DOCK9: variants seen among roughly 807,000 people sequenced by gnomAD.
DOCK9 encodes the protein dedicator of cytokinesis 9, also known as dedicator of cytokinesis protein 9.
DOCK9 carries 89 observed loss-of-function variants against 263.3 expected under a neutral mutation model. The observed-to-expected ratio is 0.34, with a 90% confidence interval of 0.28 to 0.40. DOCK9 has a LOEUF of 0.40. Ranked by LOEUF, DOCK9 falls within the 10% of genes least tolerant of loss-of-function variation. The pLI is 1.00. For synonymous variants in DOCK9, 976 were observed against 973.1 expected (o/e 1.00, Z -0.06); for missense variants, 2,140 against 2,603.4 (o/e 0.82, Z 3.87).
chr13:98,886,458 C>T, intron 19 of DOCK9, 74 bp downstream of exon 19: 1 of 1,319,750 alleles, frequency 7.6e-7, no homozygotes, highest in Non-Finnish European at 1.1e-6. Flanking sequence ...TTGAATTTTC[C>T]TTTACCAGGC....
At chr13:98,831,592 C>A in intron 40 of DOCK9, 57 bp downstream of exon 40, 1 of 1,598,862 alleles carries the variant, frequency 6.3e-7, no homozygotes, top group Non-Finnish European at 8.5e-7. Flanking sequence ...GGTAATGTAC[C>A]CTTCAATTCC....
chr13:98,861,256 G>A (rs1184507728), intron 32 of DOCK9, among the ~76,000 whole-genome samples: 1 of 152,170 alleles, frequency 6.6e-6, no homozygotes, highest in Admixed American at 6.5e-5. Context: ...GCTCAGCTCA[G>A]TGTAATGTTA....
At chr13:99,050,747 T>C (rs1387793688) in intron 1 of DOCK9, among the ~76,000 whole-genome samples, 1 of 152,130 alleles carries the variant, frequency 6.6e-6, no homozygotes, top group East Asian at 1.9e-4. Context: ...TAGACACTAA[T>C]GACAAGTCCC....
intron 1 of DOCK9, among the ~76,000 whole-genome samples, chr13:99,019,916 C>T (rs1316886965): frequency 6.6e-6 from 1 of 152,076 alleles, no homozygotes; most frequent in East Asian, 1.9e-4. Flanking sequence ...GCCTGGGCAA[C>T]ATGATGAAAC....
chr13:99,044,502 A>G (rs759983411), intron 1 of DOCK9, among the ~76,000 whole-genome samples: 12 of 152,216 alleles, frequency 7.9e-5, no homozygotes, highest in Non-Finnish European at 1.8e-4. Flanking sequence ...ACTGATCAGG[A>G]CCACCACACC....
intron 45 of DOCK9, among the ~76,000 whole-genome samples, chr13:98,816,964 T>A (rs1353213658): frequency 6.6e-6 from 1 of 152,078 alleles, no homozygotes; most frequent in Non-Finnish European, 1.5e-5. Flanking sequence ...CATAAATTAA[T>A]AATCAACTGT....
chr13:99,046,250 T>C (rs1409595990), intron 1 of DOCK9, among the ~76,000 whole-genome samples: 1 of 152,218 alleles, frequency 6.6e-6, no homozygotes, highest in Admixed American at 6.5e-5. Flanking sequence ...ACCTCCCACC[T>C]GGCATATCTT....
Position 98,801,831 on chromosome 13 carries a change from C to T in DOCK9, c.5726-1353G>A, listed in dbSNP as rs563319647. Among the ~76,000 whole-genome samples the T allele has an allele frequency of 3.9e-5, 6 of 152,306 alleles. No homozygotes were observed. The South Asian group carries it at 6.2e-4, about 16-fold the overall frequency. ...CCAGCCCCTGTGAAACACAGAGTTCCGATGGGCCACCCAACATCTGGACAA... is the reference window on the plus strand; with the variant it reads ...CCAGCCCCTGTGAAACACAGAGTTCTGATGGGCCACCCAACATCTGGACAA... On this transcript the variant is annotated intron_variant, in intron 49 of 52. Coordinates refer to ENST00000682017, the MANE Select transcript of DOCK9 (RefSeq NM_001366683.2).
intron 2 of DOCK9, among the ~76,000 whole-genome samples, chr13:98,939,346 A>G (rs2055437356): frequency 6.6e-6 from 1 of 152,202 alleles, no homozygotes; most frequent in African/African-American, 2.4e-5. Context: ...CACCTGTTAG[A>G]GAAGCCCAGC....
At chr13:98,950,225 G>T in intron 2 of DOCK9, 1 of 1,054,300 alleles carries the variant, frequency 9.5e-7, no homozygotes, top group Non-Finnish European at 1.4e-6. Context: ...AAGGCATGAG[G>T]TTTCACTTCT....
At chr13:98,830,486 G>A (rs533446541) in intron 41 of DOCK9, among the ~76,000 whole-genome samples, 1 of 152,108 alleles carries the variant, frequency 6.6e-6, no homozygotes, top group South Asian at 2.1e-4. Flanking sequence ...GCAATGATTT[G>A]GATATGCCAC....
rs377095035 is a variant in DOCK9, at chr13:98,824,186, T to C, written c.5130+212A>G. 1.2e-4 allele frequency among the ~76,000 whole-genome samples: 18 copies of C among 152,344 alleles called. No homozygotes were observed. In the East Asian group the frequency reaches 1.9e-3, roughly 16 times the overall value. On this transcript the variant is annotated intron_variant, in intron 45 of 52. Coordinates refer to ENST00000682017, the MANE Select transcript of DOCK9 (RefSeq NM_001366683.2). The stretch of plus-strand genomic sequence containing the variant: ...TTACAATCTAGCCCCTCATGATCTC[T>C]TTCCAAAGAAAGGAGACACTCCTAG...
Position 98,826,816 on chromosome 13 carries a change from G to A in DOCK9, c.5023+14C>T, listed in dbSNP as rs369863596. On this transcript the variant is annotated intron_variant, in intron 44 of 52. Coordinates refer to ENST00000682017, the MANE Select transcript of DOCK9 (RefSeq NM_001366683.2). ...TACTAATTAATTTCACAAAACATGA[G>A]AATAATTCCTTACCTTTCCGTGTGA... 1 of 1,597,294 alleles carries A rather than the reference G, an allele frequency of 6.3e-7. No individual in the cohort carries two copies. The highest frequency in any genetic ancestry group is 8.5e-7 in the Non-Finnish European group (1 of 1,170,202).
chr13:98,905,920 C>A (rs1191867338), intron 9 of DOCK9, among the ~76,000 whole-genome samples: 1 of 152,098 alleles, frequency 6.6e-6, no homozygotes, highest in African/African-American at 2.4e-5. Flanking sequence ...AGGATAAGAC[C>A]CAGAGGCCCA....
At chr13:98,799,464 C>G (rs2089846492) in intron 50 of DOCK9, among the ~76,000 whole-genome samples, 1 of 152,088 alleles carries the variant, frequency 6.6e-6, no homozygotes, top group Non-Finnish European at 1.5e-5. Flanking sequence ...TACCAATTAA[C>G]TAGGAAACCA....
chr13:99,008,185 C>CCTCTCTCTCTCTCTCTCTCTCTCTCTCT (rs370963218), intron 1 of DOCK9, among the ~76,000 whole-genome samples: 13 of 100,978 alleles, frequency 1.3e-4, no homozygotes, highest in Non-Finnish European at 1.1e-4. Context: ...TATTGTGCAG[C>CCTCTCTCTCTCTCTCTCTCTCTCTCTCT]CTCTCTCTCT....
At chr13:99,055,388 A>G (rs2040870074) in intron 1 of DOCK9, among the ~76,000 whole-genome samples, 1 of 152,192 alleles carries the variant, frequency 6.6e-6, no homozygotes, top group Admixed American at 6.5e-5. Flanking sequence ...TGAGAAAGGA[A>G]GAGGCGATTC....
intron 9 of DOCK9, among the ~76,000 whole-genome samples, chr13:98,911,440 T>C (rs2050007656): frequency 6.6e-6 from 1 of 152,146 alleles, no homozygotes; most frequent in African/African-American, 2.4e-5. Context: ...GTACATTATA[T>C]ACCAATGAAA....
At chr13:98,957,144 C>T (rs973804299) in intron 1 of DOCK9, among the ~76,000 whole-genome samples, 3 of 152,188 alleles carry the variant, frequency 2.0e-5, no homozygotes, top group African/African-American at 4.8e-5. Flanking sequence ...CAGGATCCAA[C>T]GCAGAACTGG....
Sources: gnomAD v4.1 joint callset for allele counts (sites outside exome capture counted in the v4.1 genomes callset) on GRCh38, gnomAD v4.1.1 for gene constraint, MANE v1.5 for transcripts, NCBI Gene and HGNC (gene_info 2026-07-23, HGNC 2026-07-21) for gene names.